Variants in RPS6KA5 observed in about 807,000 individuals in gnomAD.
RPS6KA5 encodes ribosomal protein S6 kinase alpha-5.
Under a neutral mutation model 85.5 loss-of-function variants are expected in RPS6KA5, and 27 were observed. That is an observed-to-expected ratio of 0.32 (90% confidence interval 0.23 to 0.44). RPS6KA5 has a LOEUF of 0.44. RPS6KA5 is among the 20% of genes least tolerant of loss of function. The probability of loss-of-function intolerance (pLI) is 1.00; values close to 1 mark genes in which losing one functional copy is unlikely to be tolerated. For synonymous variants in RPS6KA5, 334 were observed against 348.2 expected (o/e 0.96, Z 0.46); for missense variants, 811 against 980.9 (o/e 0.83, Z 2.31).
chr14:90,941,396 C>T (rs2037564721), intron 5 of RPS6KA5, among the ~76,000 whole-genome samples: 1 of 152,116 alleles, frequency 6.6e-6, no homozygotes, highest in Non-Finnish European at 1.5e-5. Context: ...CAGACTCCTG[C>T]CTGGGAAGCC....
chr14:90,966,726 G>A (rs1420962167), intron 3 of RPS6KA5, among the ~76,000 whole-genome samples: 6 of 152,172 alleles, frequency 3.9e-5, no homozygotes, highest in Non-Finnish European at 5.9e-5. Flanking sequence ...TCGAATACAA[G>A]GCACTAATAC....
At chr14:91,048,847 C>G (rs2042965018) in intron 1 of RPS6KA5, among the ~76,000 whole-genome samples, 1 of 152,202 alleles carries the variant, frequency 6.6e-6, no homozygotes, top group Non-Finnish European at 1.5e-5. Context: ...TCAACTAACA[C>G]ATGATGTTAT....
chr14:90,973,835 C>G (rs946995241), intron 3 of RPS6KA5, among the ~76,000 whole-genome samples: 1 of 151,860 alleles, frequency 6.6e-6, no homozygotes, highest in Non-Finnish European at 1.5e-5. Flanking sequence ...GTCAGGAGTT[C>G]AAGACCAGCC....
chr14:90,873,778 G>A lies in RPS6KA5; in HGVS notation c.2014C>T (p.Pro672Ser). The change falls in exon 16 of 17, where the codon CCA becomes TCA. Residue 672 changes from proline to serine, a missense_variant. By Grantham distance (74) the Pro-to-Ser change is moderately conservative (BLOSUM62 -1). Transcript: ENST00000614987. ...CCAGACATTTTAAGCCTTTTGTTTG[G>A]ATCTACTGTGAGAAGTCCTTTGGGA... ...DLIQGLLTVD[P>S]NKRLKMSGLR... 1 of 1,613,660 alleles carries A rather than the reference G, an allele frequency of 6.2e-7. No individual in the cohort carries two copies. The highest frequency in any genetic ancestry group is 1.1e-5 in the South Asian group (1 of 91,044).
In RPS6KA5 at chr14:90,940,672, C is replaced by T. The variant is rs969030575; in HGVS notation, c.618+2406G>A. 2.6e-5 allele frequency among the ~76,000 whole-genome samples: 4 copies of T among 152,328 alleles called. No homozygotes were observed. In the East Asian group the frequency reaches 7.7e-4, roughly 29 times the overall value. On this transcript the variant is annotated intron_variant, in intron 5 of 16. Transcript: ENST00000614987. The stretch of plus-strand genomic sequence containing the variant: ...GTACTACCAGAACCTAGCCTACCAT[C>T]TAGCACATGGGCCCCTAACCCCCAG...
chr14:91,056,397 TG>T (rs2043318006), intron 1 of RPS6KA5, among the ~76,000 whole-genome samples: 1 of 152,192 alleles, frequency 6.6e-6, no homozygotes, highest in Non-Finnish European at 1.5e-5. Context: ...AGTCCTTCCC[TG>T]AGATCTTTAT....
chr14:90,933,436 A>G (rs1184061105), intron 5 of RPS6KA5, among the ~76,000 whole-genome samples: 2 of 152,186 alleles, frequency 1.3e-5, no homozygotes, highest in African/African-American at 4.8e-5. Context: ...TTGGGGCCAC[A>G]CTAGATTTCT....
chr14:90,873,478 C>T (rs1214877539), intron 16 of RPS6KA5, among the ~76,000 whole-genome samples, 154 bp downstream of exon 16: 4 of 152,152 alleles, frequency 2.6e-5, no homozygotes, highest in African/African-American at 9.6e-5. Context: ...TGTTTATAAC[C>T]ATGAAGCAAT....
chr14:90,988,816 A>T (rs1051206905), intron 2 of RPS6KA5, among the ~76,000 whole-genome samples: 39 of 151,914 alleles, frequency 2.6e-4, no homozygotes, highest in Admixed American at 1.3e-3. Context: ...CCATCTCAAA[A>T]AAATAAATAA....
rs1010002378 is a variant in RPS6KA5, at chr14:90,851,771, T to C, written c.*20303A>G. On this transcript the variant is annotated 3_prime_UTR_variant, in exon 17 of 17. Transcript: ENST00000614987. The stretch of plus-strand genomic sequence containing the variant: ...TCTCTTTAGATACTGGTAGATATCA[T>C]TAGTAAAAACTGAATGGTTTTTACT... The C allele has an allele frequency of 6.6e-6, 1 of 152,208 alleles. No individual in the cohort carries two copies. The highest frequency in any genetic ancestry group is 2.4e-5 in the African/African-American group (1 of 41,460). 9.4% of individuals were successfully genotyped at this position (152,208 alleles called of 1,614,324 possible). A position where few individuals can be genotyped will look rare whatever the true frequency, so the allele number is the denominator to read the frequency against.
At chr14:91,000,628 C>T (rs989454469) in intron 2 of RPS6KA5, among the ~76,000 whole-genome samples, 2 of 152,136 alleles carry the variant, frequency 1.3e-5, no homozygotes, top group East Asian at 1.9e-4. Context: ...CATGGTGAAA[C>T]CCCGTCTCTA....
chr14:90,992,964 A>G (rs1258967033), intron 2 of RPS6KA5, among the ~76,000 whole-genome samples: 1 of 152,038 alleles, frequency 6.6e-6, no homozygotes, highest in Admixed American at 6.6e-5. Context: ...TCTTTTTTCA[A>G]CTCCACAAAT....
In RPS6KA5 at chr14:91,034,717, A is replaced by C. The variant is rs1230123005; in HGVS notation, c.103+25615T>G. 2.0e-5 allele frequency among the ~76,000 whole-genome samples: 3 copies of C among 152,110 alleles called. No individual in the cohort carries two copies. In the East Asian group the frequency reaches 5.8e-4, roughly 29 times the overall value. On this transcript the variant is annotated intron_variant, in intron 1 of 16. Coordinates refer to ENST00000614987, the MANE Select transcript of RPS6KA5 (RefSeq NM_004755.4). ...CCTTGTTCTTTCACTCTTCACAATA[A>C]ATCTTGCTGCGGTGCACTCTTTGGG...
chr14:90,951,965 T>TTC (rs1195438609), intron 3 of RPS6KA5, among the ~76,000 whole-genome samples: 19 of 152,246 alleles, frequency 1.2e-4, no homozygotes, highest in Admixed American at 1.2e-3. Flanking sequence ...TTGAATCCTT[T>TTC]TCCTCTTTTT....
At chr14:90,945,224 C>T (rs2037812239) in intron 4 of RPS6KA5, among the ~76,000 whole-genome samples, 1 of 152,150 alleles carries the variant, frequency 6.6e-6, no homozygotes, top group Non-Finnish European at 1.5e-5. Context: ...TGCACTCCAG[C>T]CTGGGCAACA....
At chr14:90,872,419 A>G (rs2033180258) in intron 16 of RPS6KA5, 97 bp from the exon 17 acceptor site, 5 of 1,412,618 alleles carry the variant, frequency 3.5e-6, no homozygotes, top group Non-Finnish European at 4.7e-6. Flanking sequence ...TCCATTGGCA[A>G]CTGCAGCCCC....
At position 90,923,096 on chromosome 14, in the gene RPS6KA5, T is replaced by A. The variant is rs375362326; in HGVS notation, c.702+17A>T. On this transcript the variant is annotated intron_variant, in intron 6 of 16. Transcript: ENST00000614987. Reference sequence around the variant, plus strand: ...TTTTATAGAAATACATAAAGAAGCATCAAAAATAGAACATACCTTGTCATG... The same window carrying A: ...TTTTATAGAAATACATAAAGAAGCAACAAAAATAGAACATACCTTGTCATG... The A allele has an allele frequency of 2.6e-6, 4 of 1,565,370 alleles. No homozygotes were observed. Among genetic ancestry groups the A allele is most frequent in the Non-Finnish European group, 3.5e-6 (4 of 1,138,358 alleles).
At chr14:90,914,429 C>T (rs568181680) in intron 7 of RPS6KA5, among the ~76,000 whole-genome samples, 54 of 149,800 alleles carry the variant, frequency 3.6e-4, no homozygotes, top group African/African-American at 1.2e-3. Context: ...ATTCTCCTGC[C>T]TCAGCCTCCT....
chr14:90,979,679 T>A (rs867348704), intron 2 of RPS6KA5, among the ~76,000 whole-genome samples: 12 of 152,234 alleles, frequency 7.9e-5, no homozygotes, highest in Admixed American at 2.0e-4. Context: ...AGACTAATAA[T>A]CCTGAGAAGG....
Sources: gnomAD v4.1 joint callset for allele counts (sites outside exome capture counted in the v4.1 genomes callset) on GRCh38, gnomAD v4.1.1 for gene constraint, MANE v1.5 for transcripts, NCBI Gene and HGNC (gene_info 2026-07-23, HGNC 2026-07-21) for gene names.